APP: variants seen among roughly 807,000 people sequenced by gnomAD.
APP encodes the protein amyloid beta precursor protein.
A neutral mutation model predicts 101.4 loss-of-function variants in APP; 31 were observed. The observed-to-expected ratio is 0.31, with a 90% CI of 0.23 to 0.41. The LOEUF (loss-of-function observed/expected upper bound fraction) is 0.41, where lower values mean the gene tolerates loss of function less well. Ranked by LOEUF, APP falls within the 10% of genes least tolerant of loss-of-function variation. APP has a pLI of 1.00. For synonymous variants in APP, 366 were observed against 364.4 expected, an observed-to-expected ratio of 1.00 and a Z score of -0.05; for missense variants, 839 against 1,003.7, an observed-to-expected ratio of 0.84 and a Z score of 2.22.
chr21:26,153,962 C>T (rs556598211), intron 1 of APP, among the ~76,000 whole-genome samples: 2 of 152,258 alleles, frequency 1.3e-5, no homozygotes, highest in East Asian at 1.9e-4. Flanking sequence ...GCATGCTTCA[C>T]GTTGTAAAGC....
chr21:25,959,364 C>T (rs1356963932), intron 11 of APP, among the ~76,000 whole-genome samples: 1 of 152,152 alleles, frequency 6.6e-6, no homozygotes, highest in Non-Finnish European at 1.5e-5. Flanking sequence ...ACCTGGGAGG[C>T]GGAGCTTGCA....
At chr21:25,966,012 A>G (rs1383716808) in intron 11 of APP, among the ~76,000 whole-genome samples, 1 of 152,166 alleles carries the variant, frequency 6.6e-6, no homozygotes, top group African/African-American at 2.4e-5. Context: ...AATCTGGGTG[A>G]TGAATATGGC....
chr21:26,137,228 C>G (rs1203090232), intron 1 of APP, among the ~76,000 whole-genome samples: 1 of 152,144 alleles, frequency 6.6e-6, no homozygotes, highest in Non-Finnish European at 1.5e-5. Context: ...GCGCCTGGCC[C>G]TCCTTAAACC....
At chr21:26,055,065 T>C (rs892218982) in intron 3 of APP, among the ~76,000 whole-genome samples, 2 of 152,226 alleles carry the variant, frequency 1.3e-5, no homozygotes, top group East Asian at 3.8e-4. Context: ...TATCTTGTCA[T>C]TCCTTAAATC....
intron 1 of APP, among the ~76,000 whole-genome samples, chr21:26,120,629 G>C (rs1205998252): frequency 6.6e-6 from 1 of 152,070 alleles, no homozygotes; most frequent in Non-Finnish European, 1.5e-5. Context: ...GCAATCTTTA[G>C]ATCTGATTGA....
chr21:26,059,022 A>C (rs1230447726), intron 3 of APP, among the ~76,000 whole-genome samples: 1 of 151,806 alleles, frequency 6.6e-6, no homozygotes, highest in Non-Finnish European at 1.5e-5. Context: ...CGGAGCTTGC[A>C]GTGAGCCGAG....
At chr21:25,897,709 C>G (rs1485326078) in intron 15 of APP, 36 bp from the exon 16 acceptor site, 1 of 1,538,526 alleles carries the variant, frequency 6.5e-7, no homozygotes, top group Admixed American at 1.7e-5. Context: ...GCAGGACAAC[C>G]AATTAGTTTT....
chr21:26,144,777 A>G (rs2063120695), intron 1 of APP, among the ~76,000 whole-genome samples: 1 of 152,202 alleles, frequency 6.6e-6, no homozygotes, highest in Non-Finnish European at 1.5e-5. Context: ...ATTAATGTCA[A>G]CTTGAAAAAT....
chr21:25,975,317 AT>A, intron 10 of APP, 89 bp from the exon 11 acceptor site: 1 of 1,545,168 alleles, frequency 6.5e-7, no homozygotes, highest in Non-Finnish European at 8.9e-7. Context: ...ATCCTATTCC[AT>A]TTTCTTCTAG....
intron 9 of APP, among the ~76,000 whole-genome samples, chr21:25,976,892 G>C (rs1404054548): frequency 6.6e-6 from 1 of 152,094 alleles, no homozygotes; most frequent in Non-Finnish European, 1.5e-5. Context: ...TGAGAAGTGG[G>C]TTGTTATAAA....
At chr21:26,025,206 C>CTT in intron 5 of APP, among the ~76,000 whole-genome samples, 1 of 152,288 alleles carries the variant, frequency 6.6e-6, no homozygotes, top group African/African-American at 2.4e-5. Flanking sequence ...CTGCCCTGAG[C>CTT]TTCTGCCTTT....
Position 26,051,602 on chromosome 21 carries a change from G to A in APP, c.469-409C>T, listed in dbSNP as rs1185334436. Among the ~76,000 whole-genome samples the A allele has an allele frequency of 2.0e-5, 3 of 152,126 alleles. 1 individual carries two copies. The highest frequency in any genetic ancestry group is 7.2e-5 in the African/African-American group (3 of 41,422). On this transcript the variant is annotated intron_variant, in intron 4 of 17. Coordinates refer to ENST00000346798, the MANE Select transcript of APP (RefSeq NM_000484.4). The stretch of plus-strand genomic sequence containing the variant: ...CTCACTCCTACCTCCCTTACAGATG[G>A]AAGTTTATCTCACATGGACCTGCCT...
At chr21:26,048,627 A>G (rs918599036) in intron 5 of APP, among the ~76,000 whole-genome samples, 2 of 152,232 alleles carry the variant, frequency 1.3e-5, no homozygotes, top group Non-Finnish European at 2.9e-5. Flanking sequence ...TGTGCAAGAC[A>G]TACCAGACAC....
intron 1 of APP, among the ~76,000 whole-genome samples, chr21:26,150,884 T>C (rs2063254760): frequency 6.6e-6 from 1 of 152,230 alleles, no homozygotes; most frequent in African/African-American, 2.4e-5. Context: ...ATTTACTCAT[T>C]ATGTAGTTAC....
At chr21:26,020,061 T>A (rs2044270871) in intron 6 of APP, among the ~76,000 whole-genome samples, 1 of 151,968 alleles carries the variant, frequency 6.6e-6, no homozygotes, top group Admixed American at 6.5e-5. Flanking sequence ...CATGTAAAAC[T>A]TTCAATAAAT....
intron 5 of APP, among the ~76,000 whole-genome samples, chr21:26,029,350 C>A (rs1024746456): frequency 6.6e-6 from 1 of 151,940 alleles, no homozygotes; most frequent in Non-Finnish European, 1.5e-5. Context: ...AAAGGTGGCT[C>A]ACAAGGCAAG....
intron 1 of APP, among the ~76,000 whole-genome samples, chr21:26,136,350 C>A (rs913715972): frequency 6.6e-6 from 1 of 152,060 alleles, no homozygotes; most frequent in South Asian, 2.1e-4. Flanking sequence ...TCATATACAT[C>A]TTTTAAAAAG....
At chr21:26,119,512 G>T (rs1174256577) in intron 1 of APP, among the ~76,000 whole-genome samples, 1 of 152,158 alleles carries the variant, frequency 6.6e-6, no homozygotes, top group East Asian at 1.9e-4. Context: ...CTGCAAAGTA[G>T]AAGTCCAAAT....
At chr21:25,901,901 TAGCTTTC>T (rs1412273686) in intron 15 of APP, among the ~76,000 whole-genome samples, 5 of 152,182 alleles carry the variant, frequency 3.3e-5, no homozygotes, top group Non-Finnish European at 7.4e-5. Flanking sequence ...ACAGAAAGGG[TAGCTTTC>T]TACCCTATGT....
Sources: gnomAD v4.1 joint callset for allele counts (sites outside exome capture counted in the v4.1 genomes callset) on GRCh38, gnomAD v4.1.1 for gene constraint, MANE v1.5 for transcripts, NCBI Gene and HGNC (gene_info 2026-07-23, HGNC 2026-07-21) for gene names.